Variants in BCAS4 observed in about 807,000 individuals in gnomAD.
BCAS4 encodes the protein breast carcinoma amplified sequence 4, also known as breast carcinoma-amplified sequence 4.
BCAS4 carries 9 observed loss-of-function variants against 15.7 expected under a neutral mutation model. The ratio of observed to expected loss-of-function variants is 0.57; its 90% CI spans 0.34 to 1.00. BCAS4 has a LOEUF of 1.00. Ranked by LOEUF, BCAS4 falls within the 50% of genes least tolerant of loss-of-function variation. BCAS4 has a pLI of 0.02. For missense variants in BCAS4, 225 were observed against 239.1 expected (o/e 0.94, Z 0.39); for synonymous variants, 101 against 99.5 (o/e 1.02, Z -0.09).
intron 2 of BCAS4, among the ~76,000 whole-genome samples, chr20:50,822,749 C>G (rs956906349): frequency 1.3e-5 from 2 of 151,558 alleles, no homozygotes; most frequent in African/African-American, 4.8e-5. Flanking sequence ...GATTCTCGTG[C>G]CCCAGCAGCT....
At chr20:50,821,456 G>C (rs2088215933) in intron 2 of BCAS4, among the ~76,000 whole-genome samples, 1 of 152,216 alleles carries the variant, frequency 6.6e-6, no homozygotes, top group Non-Finnish European at 1.5e-5. Context: ...GGCTTACCTG[G>C]TATGTCTGCT....
chr20:50,843,679 G>C (rs1188952192), intron 4 of BCAS4, among the ~76,000 whole-genome samples: 1 of 152,246 alleles, frequency 6.6e-6, no homozygotes, highest in Non-Finnish European at 1.5e-5. Flanking sequence ...TGCTCCTTCA[G>C]AGACCAAGTT....
chr20:50,833,438 G>A (rs1261438415), intron 3 of BCAS4, among the ~76,000 whole-genome samples: 1 of 152,198 alleles, frequency 6.6e-6, no homozygotes, highest in Non-Finnish European at 1.5e-5. Context: ...TCTTTGTTGT[G>A]GGGCTGTTCT....
intron 3 of BCAS4, among the ~76,000 whole-genome samples, chr20:50,835,495 C>T (rs760647082): frequency 1.3e-5 from 2 of 152,042 alleles, no homozygotes; most frequent in Non-Finnish European, 2.9e-5. Flanking sequence ...CCACCCGCCT[C>T]GGCCTCCTAA....
chr20:50,802,550 A>T (rs1324324218), intron 1 of BCAS4, among the ~76,000 whole-genome samples: 1 of 152,192 alleles, frequency 6.6e-6, no homozygotes, highest in Non-Finnish European at 1.5e-5. Flanking sequence ...CATCCGGCCC[A>T]GCTTCAGCGT....
chr20:50,845,224 C>T (rs1189855662), intron 4 of BCAS4, among the ~76,000 whole-genome samples: 11 of 152,036 alleles, frequency 7.2e-5, no homozygotes, highest in Admixed American at 7.2e-4. Context: ...GATGTCTGGG[C>T]CCAGAGCTGG....
chr20:50,844,489 G>A (rs1363692661), intron 4 of BCAS4, among the ~76,000 whole-genome samples: 1 of 152,154 alleles, frequency 6.6e-6, no homozygotes, highest in Non-Finnish European at 1.5e-5. Flanking sequence ...GGGGCAGAAA[G>A]GACACAGGAC....
intron 1 of BCAS4, among the ~76,000 whole-genome samples, chr20:50,815,205 G>A (rs759429698): frequency 1.3e-5 from 2 of 152,162 alleles, no homozygotes; most frequent in Non-Finnish European, 2.9e-5. Flanking sequence ...CCGTGACCAC[G>A]CCGTGCCCTT....
chr20:50,868,960 C>G (rs1037549092), intron 4 of BCAS4, among the ~76,000 whole-genome samples: 1 of 152,248 alleles, frequency 6.6e-6, no homozygotes. Context: ...GGGACCCAGG[C>G]TTCTCCTGGC....
intron 4 of BCAS4, among the ~76,000 whole-genome samples, chr20:50,863,801 C>G (rs1979216334): frequency 6.6e-6 from 1 of 152,174 alleles, no homozygotes; most frequent in Admixed American, 6.5e-5. Context: ...AGGTGGATCT[C>G]AGTGTGATGG....
At chr20:50,872,595 GA>G (rs770427516) in intron 4 of BCAS4, among the ~76,000 whole-genome samples, 3 of 149,830 alleles carry the variant, frequency 2.0e-5, no homozygotes, top group African/African-American at 7.4e-5. Context: ...AAAAAAAAAA[GA>G]AAAAAATCAA....
At chr20:50,868,540 G>A (rs1305252435) in intron 4 of BCAS4, among the ~76,000 whole-genome samples, 1 of 151,990 alleles carries the variant, frequency 6.6e-6, no homozygotes, top group Non-Finnish European at 1.5e-5. Context: ...CTCTCACCTC[G>A]GCCTCCTGAG....
At chr20:50,819,811 T>TGTCTTTCC (rs376377897) in intron 2 of BCAS4, among the ~76,000 whole-genome samples, 2 of 138,538 alleles carry the variant, frequency 1.4e-5, no homozygotes, top group East Asian at 2.1e-4. Context: ...TCCGTCTTTC[T>TGTCTTTCC]GTCTTTCCGT....
At chr20:50,798,076 A>T (rs777554504) in intron 1 of BCAS4, among the ~76,000 whole-genome samples, 15 of 151,856 alleles carry the variant, frequency 9.9e-5, no homozygotes, top group Non-Finnish European at 1.3e-4. Flanking sequence ...CAGGCGGATC[A>T]CTTGAGGCCA....
intron 4 of BCAS4, among the ~76,000 whole-genome samples, 176 bp from the exon 5 acceptor site, chr20:50,876,310 G>A (rs1310059087): frequency 6.0e-5 from 9 of 150,516 alleles, no homozygotes. Context: ...TGACATGGAT[G>A]CCTTGGTCCC....
At chr20:50,796,487 ATTTTTTTTTT>A (rs34988437) in intron 1 of BCAS4, among the ~76,000 whole-genome samples, 4 of 6,772 alleles carry the variant, frequency 5.9e-4, no homozygotes, top group Non-Finnish European at 8.0e-4. Context: ...ATATATATAT[ATTTTTTTTTT>A]TTTTTTTTTT....
Position 50,811,961 on chromosome 20 carries a change from C to A in BCAS4, c.91-6250C>A, listed in dbSNP as rs545221228. 1.3e-3 allele frequency among the ~76,000 whole-genome samples: 191 copies of A among 152,116 alleles called. 1 individual carries two copies. The highest frequency in any genetic ancestry group is 3.2e-3 in the Middle Eastern group (1 of 316). ...TAAGTGGAATCATGTCATGCGTGAC[C>A]TTTTGTGCCTGGCTTCTCTCACTTA... On this transcript the variant is annotated intron_variant, in intron 1 of 4. Transcript: ENST00000371608.
chr20:50,835,780 C>A (rs1220844627), intron 3 of BCAS4, among the ~76,000 whole-genome samples: 3 of 152,162 alleles, frequency 2.0e-5, no homozygotes, highest in Admixed American at 6.6e-5. Flanking sequence ...CCTGTCAACA[C>A]CCCTGCACGT....
chr20:50,866,353 A>G (rs1979357541), intron 4 of BCAS4, among the ~76,000 whole-genome samples: 1 of 152,182 alleles, frequency 6.6e-6, no homozygotes, highest in Admixed American at 6.5e-5. Flanking sequence ...AGCCACTGCC[A>G]GCTTGGATGC....
Sources: gnomAD v4.1 joint callset for allele counts (sites outside exome capture counted in the v4.1 genomes callset) on GRCh38, gnomAD v4.1.1 for gene constraint, MANE v1.5 for transcripts, NCBI Gene and HGNC (gene_info 2026-07-23, HGNC 2026-07-21) for gene names.